Variants in USP15 observed in about 807,000 individuals in gnomAD.
The protein encoded by USP15 is ubiquitin carboxyl-terminal hydrolase 15.
In USP15, 18 loss-of-function variants were observed where a neutral mutation model predicts 127.1. The ratio of observed to expected loss-of-function variants is 0.14; its 90% CI spans 0.10 to 0.21. USP15 has a LOEUF of 0.21. Among genes scored for constraint, USP15 ranks in the 10% least tolerant of loss-of-function variants. The pLI, the probability that USP15 is intolerant of heterozygous loss-of-function variation, is 1.00. For synonymous variants in USP15, 364 were observed against 393.7 expected (o/e 0.92, Z 0.89); for missense variants, 805 against 1,159.9 (o/e 0.69, Z 4.44).
chr12:62,389,682 A>G lies in USP15; in HGVS notation c.1635A>G (p.Glu545=), dbSNP rs61760205. The change falls in exon 13 of 22, where the codon GAA becomes GAG. Residue 545 remains glutamate, a synonymous_variant. Coordinates refer to ENST00000280377, the MANE Select transcript of USP15 (RefSeq NM_001252078.2). ...AMDENLSSIM[E]RDDIYVFEIN... ...ATGAAAACCTTAGTAGTATTATGGAACGGGATGATATTTATGTGTAAGTAT... is the reference window on the plus strand; with the variant it reads ...ATGAAAACCTTAGTAGTATTATGGAGCGGGATGATATTTATGTGTAAGTAT... The G allele has an allele frequency of 6.6e-3, 10,726 of 1,613,004 alleles. 55 individuals are homozygous for G. The highest frequency in any genetic ancestry group is 8.3e-3 in the Non-Finnish European group (9,815 of 1,179,326).
chr12:62,381,782 C>T, intron 9 of USP15, 119 bp downstream of exon 9: 3 of 913,034 alleles, frequency 3.3e-6, no homozygotes, highest in African/African-American at 1.7e-5. Flanking sequence ...TCCAAAGGAA[C>T]ACAGTACATA....
In USP15 at chr12:62,277,964, G is replaced by A. The variant is rs116249225; in HGVS notation, c.90-16215G>A. ...TTTTTACGTTATAAACCTTAAAAATGTTTTAAATGTTTTTGACTCGTTTGT... is the reference window on the plus strand; with the variant it reads ...TTTTTACGTTATAAACCTTAAAAATATTTTAAATGTTTTTGACTCGTTTGT... On this transcript the variant is annotated intron_variant, in intron 1 of 21. Coordinates refer to ENST00000280377, the MANE Select transcript of USP15 (RefSeq NM_001252078.2). Among the ~76,000 whole-genome samples the A allele has an allele frequency of 3.7e-3, 569 of 152,178 alleles. 5 individuals are homozygous for A. Among genetic ancestry groups the A allele is most frequent in the African/African-American group, 0.013 (535 of 41,538 alleles).
chr12:62,383,780 A>G, intron 9 of USP15, 60 bp from the exon 10 acceptor site: 3 of 1,540,386 alleles, frequency 1.9e-6, no homozygotes, highest in Non-Finnish European at 1.8e-6. Flanking sequence ...TCTATTGTAC[A>G]TATGTTTAAA....
At chr12:62,372,541 T>C (rs2066708914) in intron 8 of USP15, among the ~76,000 whole-genome samples, 1 of 151,702 alleles carries the variant, frequency 6.6e-6, no homozygotes, top group Non-Finnish European at 1.5e-5. Context: ...CAATAAACTT[T>C]AAAAAAAAAT....
chr12:62,341,150 A>G (rs943350447), intron 6 of USP15, among the ~76,000 whole-genome samples: 32 of 149,270 alleles, frequency 2.1e-4, no homozygotes, highest in African/African-American at 7.6e-4. Flanking sequence ...GTCTTTTTTG[A>G]TCTTTGTTGG....
At chr12:62,335,144 C>CT (rs746953243) in intron 6 of USP15, 5 of 1,534,016 alleles carry the variant, frequency 3.3e-6, no homozygotes, top group Non-Finnish European at 4.4e-6. Flanking sequence ...ATTCTTAGCA[C>CT]TTTTTTTTCT....
Position 62,390,854 on chromosome 12 carries a change from T to C in USP15, c.1845-10T>C, listed in dbSNP as rs771700824. 2.5e-6 allele frequency: 4 copies of C among 1,593,046 alleles called. No individual in the cohort carries two copies. Among genetic ancestry groups the C allele is most frequent in the Non-Finnish European group, 2.6e-6 (3 of 1,165,776 alleles). ...GTACTGAACTTGTTTGATTTTTGAT[T>C]TTACTTAAGCCGATATGTCAAAATA... On this transcript the variant is annotated splice_polypyrimidine_tract_variant and intron_variant, in intron 14 of 21. Coordinates refer to ENST00000280377, the MANE Select transcript of USP15 (RefSeq NM_001252078.2).
rs2067312463 is a variant in USP15 at position 62,391,089 on chromosome 12, TTAA to T, written c.1961-62_1961-60del. On this transcript the variant is annotated intron_variant, in intron 15 of 21. Coordinates refer to ENST00000280377, the MANE Select transcript of USP15 (RefSeq NM_001252078.2). ...CTAAAAAATACCTGGAAACCTAGGA[TTAA>T]TAATATTAATAATTTAAAAATATAG... 6 of 1,494,760 alleles carry T rather than the reference TTAA, an allele frequency of 4.0e-6. No homozygotes were observed. The African/African-American group carries it at 5.8e-5, about 14-fold the overall frequency. The allele number at this position is 1,494,760 out of a possible 1,614,324, so 92.6% of individuals were successfully genotyped here.
intron 1 of USP15, among the ~76,000 whole-genome samples, chr12:62,289,697 T>TGTGTGTGTGTGTG (rs2063898374): frequency 7.4e-6 from 1 of 135,430 alleles, no homozygotes; most frequent in African/African-American, 2.8e-5. Context: ...GGTTGTTAAT[T>TGTGTGTGTGTGTG]TGTGTGTGTG....
intron 1 of USP15, among the ~76,000 whole-genome samples, chr12:62,272,148 C>T (rs2063358489): frequency 6.6e-6 from 1 of 151,458 alleles, no homozygotes; most frequent in Non-Finnish European, 1.5e-5. Context: ...TATGCTATCA[C>T]TACTCAAATA....
In USP15 at chr12:62,300,288, C is replaced by A. The variant is rs200655225; in HGVS notation, c.218-2502C>A. ...ACGAGTTTTATAGTTTTGGCTGTTA[C>A]ATTTACAGCATTGGTCTACTTTAAG... On this transcript the variant is annotated intron_variant, in intron 2 of 21. Coordinates refer to ENST00000280377, the MANE Select transcript of USP15 (RefSeq NM_001252078.2). Among the ~76,000 whole-genome samples, 22 of 152,130 alleles carry A rather than the reference C, an allele frequency of 1.4e-4. No individual in the cohort carries two copies. The East Asian group carries it at 2.5e-3, about 17-fold the overall frequency.
intron 20 of USP15, among the ~76,000 whole-genome samples, chr12:62,400,419 G>GGCACCCCAAGT: frequency 6.6e-6 from 1 of 151,862 alleles, no homozygotes; most frequent in African/African-American, 2.4e-5. Flanking sequence ...ATGCCTGCAC[G>GGCACCCCAAGT]TCACTTCATT....
At chr12:62,396,540 A>C (rs2067496281) in intron 20 of USP15, 142 bp downstream of exon 20, 2 of 714,902 alleles carry the variant, frequency 2.8e-6, no homozygotes, top group African/African-American at 1.8e-5. Context: ...TTAATGAATG[A>C]GTCAGCTTTT....
chr12:62,390,866 G>T lies in USP15; in HGVS notation c.1847G>T (p.Arg616Leu). 6.2e-7 allele frequency: 1 copy of T among 1,603,008 alleles called. No individual in the cohort carries two copies. The highest frequency in any genetic ancestry group is 8.5e-7 in the Non-Finnish European group (1 of 1,172,782). The change falls in exon 15 of 22, where the codon CGA becomes CTA. Residue 616 changes from arginine (R) to leucine (L), a missense_variant and splice_region_variant. This residue lies in a region of USP15 where 225 missense variants were observed against 239.5 expected (regional missense o/e 0.94). Coordinates refer to ENST00000280377, the MANE Select transcript of USP15 (RefSeq NM_001252078.2). ...TTTGATTTTTGATTTTACTTAAGCC[G>T]ATATGTCAAAATATCTACTGAAACT... ...LYNLLLLRMC[R>L]YVKISTETEE...
chr12:62,377,218 A>C (rs1026040820), intron 8 of USP15, among the ~76,000 whole-genome samples: 14 of 152,124 alleles, frequency 9.2e-5, no homozygotes, highest in Non-Finnish European at 1.9e-4. Flanking sequence ...ATGCTCTTTT[A>C]GTTATTTTTA....
intron 8 of USP15, among the ~76,000 whole-genome samples, chr12:62,363,421 C>T (rs141780663): frequency 6.6e-6 from 1 of 152,184 alleles, no homozygotes; most frequent in African/African-American, 2.4e-5. Context: ...GTGCCAAGAG[C>T]GTGCCTGCCT....
At chr12:62,337,967 A>G (rs540536950) in intron 6 of USP15, among the ~76,000 whole-genome samples, 100 of 152,294 alleles carry the variant, frequency 6.6e-4, no homozygotes, top group South Asian at 1.0e-3. Context: ...TTATAGTAGA[A>G]TGGTTTATAA....
At chr12:62,353,353 G>A (rs1004090642) in intron 7 of USP15, among the ~76,000 whole-genome samples, 1 of 151,988 alleles carries the variant, frequency 6.6e-6, no homozygotes, top group Non-Finnish European at 1.5e-5. Flanking sequence ...ATTCCATCAT[G>A]TTGCTGCAAA....
intron 6 of USP15, among the ~76,000 whole-genome samples, chr12:62,331,638 T>C (rs537432745): frequency 7.2e-5 from 11 of 152,206 alleles, no homozygotes; most frequent in African/African-American, 2.7e-4. Context: ...GATGTCCTAT[T>C]GTATTGGCCC....
Sources: gnomAD v4.1 joint callset for allele counts (sites outside exome capture counted in the v4.1 genomes callset) on GRCh38, gnomAD v4.1.1 for gene constraint, gnomAD v4.1.1 regional missense constraint, MANE v1.5 for transcripts, NCBI Gene and HGNC (gene_info 2026-07-23, HGNC 2026-07-21) for gene names.